NAALADL2: variants seen among roughly 807,000 people sequenced by gnomAD.
The protein encoded by NAALADL2 is N-acetylated alpha-linked acidic dipeptidase like 2.
A neutral mutation model predicts 87.2 loss-of-function variants in NAALADL2; 76 were observed. The ratio of observed to expected loss-of-function variants is 0.87; its 90% confidence interval spans 0.72 to 1.05. The LOEUF is 1.05. Among genes scored for constraint, NAALADL2 ranks in the 50% least tolerant of loss-of-function variants. The pLI, the probability that NAALADL2 is intolerant of heterozygous loss-of-function variation, is 0.00. For synonymous variants in NAALADL2, 354 were observed against 331.0 expected (o/e 1.07, Z -0.75); for missense variants, 1,089 against 945.8 (o/e 1.15, Z -1.99).
At chr3:175,679,850 A>C (rs1366326575) in intron 11 of NAALADL2, among the ~76,000 whole-genome samples, 2 of 152,204 alleles carry the variant, frequency 1.3e-5, no homozygotes, top group Non-Finnish European at 2.9e-5. Context: ...TTCTCAGTGA[A>C]GAGTATAACA....
chr3:175,340,899 G>A (rs192848092), intron 5 of NAALADL2, among the ~76,000 whole-genome samples: 43 of 152,088 alleles, frequency 2.8e-4, no homozygotes, highest in Non-Finnish European at 5.6e-4. Flanking sequence ...AGTGAGTTCA[G>A]AATAGAAGAA....
intron 2 of NAALADL2, among the ~76,000 whole-genome samples, chr3:174,658,032 A>G (rs35768566): frequency 6.6e-6 from 1 of 152,128 alleles, no homozygotes; most frequent in Non-Finnish European, 1.5e-5. Flanking sequence ...TCACCTACTG[A>G]AGGATATCTT....
chr3:174,444,075 A>T (rs924303985), intron 1 of NAALADL2, among the ~76,000 whole-genome samples: 12 of 152,286 alleles, frequency 7.9e-5, no homozygotes, highest in African/African-American at 2.9e-4. Context: ...AGAGTTTTTT[A>T]AAGTGTACAA....
At chr3:175,638,040 A>T (rs2149748912) in intron 11 of NAALADL2, among the ~76,000 whole-genome samples, 1 of 152,336 alleles carries the variant, frequency 6.6e-6, no homozygotes, top group Non-Finnish European at 1.5e-5. Flanking sequence ...AGCAATATGT[A>T]CCAGATAATT....
At chr3:174,875,007 G>A (rs1728311978) in intron 1 of NAALADL2, among the ~76,000 whole-genome samples, 1 of 150,802 alleles carries the variant, frequency 6.6e-6, no homozygotes, top group South Asian at 2.1e-4. Flanking sequence ...CCAGCTATTT[G>A]GGGGCTGAGG....
intron 7 of NAALADL2, among the ~76,000 whole-genome samples, chr3:175,466,156 C>G (rs566558796): frequency 1.3e-5 from 2 of 152,058 alleles, no homozygotes; most frequent in African/African-American, 4.8e-5. Context: ...TGTGGGACAT[C>G]TGGTAAAAAA....
At chr3:174,560,424 C>G (rs1713453134) in intron 2 of NAALADL2, among the ~76,000 whole-genome samples, 1 of 152,060 alleles carries the variant, frequency 6.6e-6, no homozygotes, top group South Asian at 2.1e-4. Context: ...CAAAGTAGAG[C>G]CTAAAAAGAA....
chr3:175,163,981 AGTT>A (rs1733613956), intron 2 of NAALADL2, among the ~76,000 whole-genome samples: 1 of 152,206 alleles, frequency 6.6e-6, no homozygotes, highest in African/African-American at 2.4e-5. Context: ...GGGAATATCT[AGTT>A]GTATTGAAGT....
chr3:175,192,285 A>G (rs1028121127), intron 2 of NAALADL2, among the ~76,000 whole-genome samples: 3 of 152,010 alleles, frequency 2.0e-5, no homozygotes, highest in Non-Finnish European at 2.9e-5. Flanking sequence ...CTATTGAACA[A>G]AACTCCACCT....
intron 1 of NAALADL2, among the ~76,000 whole-genome samples, chr3:174,521,562 A>G (rs1171563888): frequency 8.5e-6 from 1 of 118,014 alleles, no homozygotes; most frequent in East Asian, 2.6e-4. Flanking sequence ...ACAGGGCTAG[A>G]CCCTGTCTCA....
chr3:174,725,596 C>T (rs1054152391), intron 2 of NAALADL2, among the ~76,000 whole-genome samples: 3 of 151,362 alleles, frequency 2.0e-5, no homozygotes, highest in African/African-American at 7.3e-5. Flanking sequence ...TGGAGATCTA[C>T]TACATGGTTC....
intron 1 of NAALADL2, among the ~76,000 whole-genome samples, chr3:174,977,998 T>C (rs987534962): frequency 7.2e-5 from 11 of 152,226 alleles, no homozygotes; most frequent in African/African-American, 2.7e-4. Flanking sequence ...TTAACAGTTA[T>C]ACAGTCTAAG....
At chr3:175,527,954 C>T (rs1257410971) in intron 9 of NAALADL2, among the ~76,000 whole-genome samples, 2 of 152,046 alleles carry the variant, frequency 1.3e-5, no homozygotes, top group Non-Finnish European at 2.9e-5. Context: ...GGTTGAAGGT[C>T]CACAGATTCC....
At chr3:175,311,723 C>T (rs1331344902) in intron 4 of NAALADL2, among the ~76,000 whole-genome samples, 1 of 150,478 alleles carries the variant, frequency 6.6e-6, no homozygotes, top group African/African-American at 2.4e-5. Flanking sequence ...TCCTTCCTTC[C>T]TTCCTTCTTT....
chr3:175,634,544 G>A (rs904452163), intron 11 of NAALADL2, among the ~76,000 whole-genome samples: 1 of 151,780 alleles, frequency 6.6e-6, no homozygotes, highest in Non-Finnish European at 1.5e-5. Context: ...GAAAAAGAAA[G>A]ATTCCAAATA....
At chr3:175,561,573 AC>A (rs951099831) in intron 9 of NAALADL2, among the ~76,000 whole-genome samples, 4 of 152,194 alleles carry the variant, frequency 2.6e-5, no homozygotes, top group African/African-American at 7.2e-5. Flanking sequence ...CATGCTATCT[AC>A]AAAATATGCT....
chr3:175,667,219 GAAAGAA>G (rs1222240966), intron 11 of NAALADL2, among the ~76,000 whole-genome samples: 1 of 124,940 alleles, frequency 8.0e-6, no homozygotes, highest in African/African-American at 4.3e-5. Context: ...AAGAAAGAAA[GAAAGAA>G]AGAAAGAAAG....
intron 10 of NAALADL2, among the ~76,000 whole-genome samples, chr3:175,597,713 C>G (rs899973299): frequency 7.9e-5 from 12 of 151,942 alleles, no homozygotes; most frequent in Non-Finnish European, 1.6e-4. Flanking sequence ...CCATTCTCCC[C>G]AAGTTGTAAC....
chr3:175,077,392 TAAAC>T (rs1716800269), intron 1 of NAALADL2, among the ~76,000 whole-genome samples: 1 of 152,170 alleles, frequency 6.6e-6, no homozygotes, highest in Non-Finnish European at 1.5e-5. Flanking sequence ...ACAGTGAAGT[TAAAC>T]AAAACATCTG....
Sources: gnomAD v4.1 joint callset for allele counts (sites outside exome capture counted in the v4.1 genomes callset) on GRCh38, gnomAD v4.1.1 for gene constraint, MANE v1.5 for transcripts, NCBI Gene and HGNC (gene_info 2026-07-23, HGNC 2026-07-21) for gene names.